ECHDC1: variants seen among roughly 807,000 people sequenced by gnomAD.
ECHDC1 encodes the protein ethylmalonyl-CoA decarboxylase 1.
In ECHDC1, 29 loss-of-function variants were observed where a neutral mutation model predicts 29.7. The ratio of observed to expected loss-of-function variants is 0.98; its 90% confidence interval spans 0.73 to 1.33. The LOEUF (loss-of-function observed/expected upper bound fraction) is 1.33, where lower values mean the gene tolerates loss of function less well. Ranked by LOEUF, ECHDC1 falls within the 40% of genes most tolerant of loss-of-function variation. The probability of loss-of-function intolerance (pLI) is 0.00; values close to 1 mark genes in which losing one functional copy is unlikely to be tolerated. For missense variants in ECHDC1, 328 were observed against 350.0 expected (o/e 0.94, Z 0.50); for synonymous variants, 126 against 123.1 (o/e 1.02, Z -0.15).
chr6:127,339,001 C>T (rs868169497), intron 1 of ECHDC1, among the ~76,000 whole-genome samples: 1 of 152,058 alleles, frequency 6.6e-6, no homozygotes, highest in Non-Finnish European at 1.5e-5. Flanking sequence ...ACATTTACTT[C>T]TCAGGAAACT....
intron 5 of ECHDC1, among the ~76,000 whole-genome samples, chr6:127,306,014 T>TAA (rs773854477): frequency 8.0e-6 from 1 of 124,386 alleles, no homozygotes; most frequent in South Asian, 2.5e-4. Flanking sequence ...GTTGATAGAT[T>TAA]AAAAAAAAAA....
intron 3 of ECHDC1, among the ~76,000 whole-genome samples, chr6:127,317,519 C>T (rs993273076): frequency 3.3e-5 from 5 of 151,992 alleles, no homozygotes; most frequent in Non-Finnish European, 7.4e-5. Context: ...CTACGTAATT[C>T]AGTTTCCTCA....
At chr6:127,331,069 T>TAG in intron 1 of ECHDC1, 39 bp from the exon 2 acceptor site, 1 of 1,496,734 alleles carries the variant, frequency 6.7e-7, no homozygotes, top group South Asian at 1.1e-5. Flanking sequence ...TATAGATGAA[T>TAG]AGGCACTCAC....
At chr6:127,309,126 C>CA (rs1214325843) in intron 5 of ECHDC1, among the ~76,000 whole-genome samples, 3 of 151,960 alleles carry the variant, frequency 2.0e-5, no homozygotes, top group African/African-American at 7.2e-5. Flanking sequence ...TATGGAACCA[C>CA]AAAAAACACA....
intron 4 of ECHDC1, 52 bp from the exon 5 acceptor site, chr6:127,314,948 T>G: frequency 6.6e-7 from 1 of 1,515,970 alleles, no homozygotes; most frequent in African/African-American, 1.4e-5. Flanking sequence ...CAATATTCAT[T>G]TACAAATGTT....
intron 3 of ECHDC1, among the ~76,000 whole-genome samples, chr6:127,319,214 T>A (rs1782641020): frequency 1.3e-5 from 2 of 152,352 alleles, no homozygotes; most frequent in South Asian, 4.1e-4. Context: ...CCAATCTGCC[T>A]ACATTTGAAT....
At chr6:127,326,543 T>C in intron 3 of ECHDC1, 1 of 452,200 alleles carries the variant, frequency 2.2e-6, no homozygotes, top group South Asian at 1.7e-5. Context: ...ATGCAGGGTG[T>C]ACAGGAACTC....
At chr6:127,295,096 C>T (rs1582927412) in intron 5 of ECHDC1, among the ~76,000 whole-genome samples, 1 of 151,622 alleles carries the variant, frequency 6.6e-6, no homozygotes, top group African/African-American at 2.4e-5. Context: ...TTACAGGTGC[C>T]CGCCACCAAG....
intron 1 of ECHDC1, among the ~76,000 whole-genome samples, chr6:127,333,666 T>TACACAC (rs10523734): frequency 0.024 from 3,128 of 128,084 alleles, 89 homozygotes; most frequent in Middle Eastern, 0.06. Context: ...CTCTTTCTCT[T>TACACAC]ACACACACAC....
chr6:127,326,885 C>A, intron 3 of ECHDC1, 117 bp downstream of exon 3: 1 of 1,221,158 alleles, frequency 8.2e-7, no homozygotes, highest in Non-Finnish European at 1.1e-6. Context: ...CCAAAAAATC[C>A]CCATAATCCT....
intron 1 of ECHDC1, among the ~76,000 whole-genome samples, chr6:127,341,943 A>G (rs746441569): frequency 6.6e-5 from 10 of 152,384 alleles, no homozygotes; most frequent in East Asian, 1.9e-4. Flanking sequence ...CATAACATAA[A>G]CTACCTTTCA....
intron 1 of ECHDC1, among the ~76,000 whole-genome samples, chr6:127,336,387 A>C (rs1198806811): frequency 6.6e-6 from 1 of 152,136 alleles, no homozygotes; most frequent in Non-Finnish European, 1.5e-5. Context: ...CATTCACTGA[A>C]TATTATTCCC....
Position 127,291,464 on chromosome 6 carries a change from C to T in ECHDC1, c.498-1187G>A, listed in dbSNP as rs117530554. Among the ~76,000 whole-genome samples the T allele has an allele frequency of 3.5e-3, 525 of 151,980 alleles. 3 individuals are homozygous for T. Among genetic ancestry groups the T allele is most frequent in the Non-Finnish European group, 6.0e-3 (407 of 67,954 alleles). ...GACTGATAGCAGTGAGTTTCCCTAA[C>T]GGGTTCATTTTCCCCAGTCATGGGA... On this transcript the variant is annotated intron_variant, in intron 5 of 5. Transcript: ENST00000454859.
chr6:127,314,274 A>T lies in ECHDC1; in HGVS notation c.497+542T>A, dbSNP rs182882263. Among the ~76,000 whole-genome samples the T allele has an allele frequency of 2.5e-3, 379 of 152,294 alleles. 1 individual carries two copies. Among genetic ancestry groups the T allele is most frequent in the South Asian group, 8.5e-3 (41 of 4,824 alleles). ...TCATTTCTATATAATATAGCTATCAAATACTGAGAATAATTATTGGGAGTG... is the reference window on the plus strand; with the variant it reads ...TCATTTCTATATAATATAGCTATCATATACTGAGAATAATTATTGGGAGTG... On this transcript the variant is annotated intron_variant, in intron 5 of 5. Coordinates refer to ENST00000454859, the MANE Select transcript of ECHDC1 (RefSeq NM_001002030.2).
chr6:127,316,177 A>G (rs775033497), intron 4 of ECHDC1: 2 of 461,698 alleles, frequency 4.3e-6, no homozygotes, highest in Non-Finnish European at 8.4e-6. Flanking sequence ...CCCAGTATCT[A>G]TTCCTAAATA....
intron 3 of ECHDC1, among the ~76,000 whole-genome samples, chr6:127,317,413 C>T (rs1038054780): frequency 6.6e-6 from 1 of 152,066 alleles, no homozygotes; most frequent in African/African-American, 2.4e-5. Flanking sequence ...GATAGCACCT[C>T]AAACTCAGCA....
chr6:127,314,394 C>A (rs1782193351), intron 5 of ECHDC1, among the ~76,000 whole-genome samples: 1 of 152,104 alleles, frequency 6.6e-6, no homozygotes, highest in South Asian at 2.1e-4. Context: ...AAAAAGAAGA[C>A]AAAGGGATCT....
rs1333968399 is a variant in ECHDC1, at chr6:127,292,955, T to A, written c.498-2678A>T. Among the ~76,000 whole-genome samples the A allele has an allele frequency of 2.6e-5, 4 of 152,260 alleles. No homozygotes were observed. In the East Asian group the frequency reaches 7.7e-4, roughly 29 times the overall value. On this transcript the variant is annotated intron_variant, in intron 5 of 5. Coordinates refer to ENST00000454859, the MANE Select transcript of ECHDC1 (RefSeq NM_001002030.2). ...GTCTTCTAACTGTTTAATAGCATAA[T>A]CATTGGCAATGTTTAAAATTTCCTC...
rs553866232 is a variant in ECHDC1, at chr6:127,337,270, A to G, written c.-3+6066T>C. ...CTTCCTTTCTTTCCAGATCCAGGAG[A>G]TAATCAACTAAGAGCCAAGCACCCT... On this transcript the variant is annotated intron_variant, in intron 1 of 5. Coordinates refer to ENST00000454859, the MANE Select transcript of ECHDC1 (RefSeq NM_001002030.2). Among the ~76,000 whole-genome samples the G allele has an allele frequency of 2.0e-5, 3 of 152,192 alleles. No homozygotes were observed. In the South Asian group the frequency reaches 6.2e-4, roughly 32 times the overall value.
Sources: allele counts gnomAD v4.1 joint callset (sites outside exome capture counted in the v4.1 genomes callset), GRCh38; gene constraint gnomAD v4.1.1; transcripts MANE v1.5; gene names NCBI Gene and HGNC (gene_info 2026-07-23, HGNC 2026-07-21).